Variants in C13orf46 observed in about 807,000 individuals in gnomAD.
C13orf46 encodes uncharacterized protein C13orf46.
the C13orf46 span, among the ~76,000 whole-genome samples, chr13:113,939,377 C>A: frequency 1.3e-5 from 2 of 151,900 alleles, no homozygotes; most frequent in African/African-American, 4.8e-5. Context: ...GCAGACCACC[C>A]GATGGGGAGG....
chr13:113,933,792 C>G, the C13orf46 span, among the ~76,000 whole-genome samples: 1 of 152,158 alleles, frequency 6.6e-6, no homozygotes, highest in African/African-American at 2.4e-5. Context: ...ACAGAGGGGT[C>G]CCACATTCCA....
At chr13:113,973,650 G>A (rs538859944) in intron 1 of C13orf46, among the ~76,000 whole-genome samples, 158 bp downstream of exon 1, 15 of 152,304 alleles carry the variant, frequency 9.8e-5, no homozygotes, top group Middle Eastern at 3.4e-3. Flanking sequence ...TTGGACACAC[G>A]TCGTTGGACC....
downstream of C13orf46, among the ~76,000 whole-genome samples, chr13:113,949,454 G>A (rs1471697743): frequency 2.6e-5 from 4 of 152,194 alleles, no homozygotes; most frequent in Non-Finnish European, 4.4e-5. Flanking sequence ...GACACTCCAG[G>A]TCGTCAGTGT....
At chr13:113,948,617 G>A in the C13orf46 span, among the ~76,000 whole-genome samples, 2 of 152,144 alleles carry the variant, frequency 1.3e-5, no homozygotes, top group African/African-American at 4.8e-5. Context: ...AAAGAGCTCC[G>A]CCCCTCAACC....
At chr13:113,930,543 C>T in the C13orf46 span, among the ~76,000 whole-genome samples, 21 of 152,326 alleles carry the variant, frequency 1.4e-4, no homozygotes, top group African/African-American at 4.8e-4. Context: ...TGCTCCACTT[C>T]CCAGGTCAGA....
At chr13:113,929,769 T>C in the C13orf46 span, among the ~76,000 whole-genome samples, 1 of 152,228 alleles carries the variant, frequency 6.6e-6, no homozygotes, top group African/African-American at 2.4e-5. Flanking sequence ...AGTGGGCCTT[T>C]CTCCTGAGGC....
chr13:113,968,562 G>A (rs2052672632), intron 3 of C13orf46, 33 bp downstream of exon 3: 1 of 152,286 alleles, frequency 6.6e-6, no homozygotes, highest in East Asian at 1.9e-4. Flanking sequence ...AAGGCAAGAG[G>A]AAAAAATGCA....
At chr13:113,957,986 G>A (rs2052554846) in intron 6 of C13orf46, among the ~76,000 whole-genome samples, 1 of 131,256 alleles carries the variant, frequency 7.6e-6, no homozygotes, top group Non-Finnish European at 1.6e-5. Context: ...CACTCTGCCT[G>A]CACCCCCTTT....
chr13:113,969,867 G>C (rs1361288242), intron 2 of C13orf46, among the ~76,000 whole-genome samples: 1 of 152,144 alleles, frequency 6.6e-6, no homozygotes, highest in Non-Finnish European at 1.5e-5. Flanking sequence ...AGAGGGCCAT[G>C]GGGTGTCTAC....
At chr13:113,929,143 C>T in the C13orf46 span, among the ~76,000 whole-genome samples, 13 of 152,238 alleles carry the variant, frequency 8.5e-5, no homozygotes, top group Non-Finnish European at 1.3e-4. Context: ...AGACACTGTG[C>T]GGCAGGGAAG....
At chr13:113,952,715 C>T (rs1447038121), downstream of C13orf46, among the ~76,000 whole-genome samples, 1 of 152,204 alleles carries the variant, frequency 6.6e-6, no homozygotes, top group East Asian at 1.9e-4. Context: ...GGCTTCCACC[C>T]CTCCCTGGAT....
At chr13:113,961,871 C>T (rs1479381017) in intron 6 of C13orf46, among the ~76,000 whole-genome samples, 2 of 150,908 alleles carry the variant, frequency 1.3e-5, no homozygotes, top group Non-Finnish European at 2.9e-5. Flanking sequence ...CAGTGCTCTC[C>T]ATGATCTGTG....
the C13orf46 span, among the ~76,000 whole-genome samples, chr13:113,937,027 CTGT>C: frequency 6.6e-6 from 1 of 152,244 alleles, no homozygotes; most frequent in African/African-American, 2.4e-5. Flanking sequence ...TTTACAAAGG[CTGT>C]TGAGTTTTGC....
At chr13:113,928,628 T>C in the C13orf46 span, 3 of 152,718 alleles carry the variant, frequency 2.0e-5, no homozygotes, top group Non-Finnish European at 2.9e-5. Context: ...AGTTTCCTCA[T>C]CTGTAAAATG....
At chr13:113,952,228 C>T (rs1456218929), downstream of C13orf46, among the ~76,000 whole-genome samples, 1 of 152,176 alleles carries the variant, frequency 6.6e-6, no homozygotes, top group African/African-American at 2.4e-5. Flanking sequence ...GTGTAGCTGG[C>T]GTGGCTGGAG....
the C13orf46 span, among the ~76,000 whole-genome samples, chr13:113,932,719 A>C: frequency 6.6e-6 from 1 of 152,222 alleles, no homozygotes; most frequent in African/African-American, 2.4e-5. Context: ...AATTAATAAA[A>C]TTTAGCTTAT....
At chr13:113,966,474 AATGGTGATGATG>A (rs2052649822) in intron 5 of C13orf46, among the ~76,000 whole-genome samples, 2 of 144,238 alleles carry the variant, frequency 1.4e-5, no homozygotes, top group Admixed American at 6.8e-5. Context: ...TGATGATTAT[AATGGTGATGATG>A]ATGGTGATGG....
chr13:113,970,528 A>G (rs2052692918), intron 1 of C13orf46: 1 of 152,280 alleles, frequency 6.6e-6, no homozygotes, highest in Non-Finnish European at 1.5e-5. Context: ...CAGTAAACAC[A>G]TGAGGCTCCG....
intron 5 of C13orf46, among the ~76,000 whole-genome samples, chr13:113,966,699 G>A (rs1312319440): frequency 1.3e-5 from 2 of 151,876 alleles, no homozygotes; most frequent in South Asian, 4.2e-4. Flanking sequence ...AATGATGATG[G>A]TGATAATGTT....
Sources: allele counts gnomAD v4.1 joint callset (sites outside exome capture counted in the v4.1 genomes callset), GRCh38; gene constraint gnomAD v4.1.1; transcripts MANE v1.5; gene names NCBI Gene and HGNC (gene_info 2026-07-23, HGNC 2026-07-21).